Variants in ILKAP observed in about 807,000 individuals in gnomAD.
ILKAP encodes integrin-linked kinase-associated serine/threonine phosphatase 2C.
A neutral mutation model predicts 49.1 loss-of-function variants in ILKAP; 11 were observed. The ratio of observed to expected loss-of-function variants is 0.22; its 90% CI spans 0.14 to 0.37. ILKAP has a LOEUF of 0.37. Ranked by LOEUF, ILKAP falls within the 10% of genes least tolerant of loss-of-function variation. The probability of loss-of-function intolerance (pLI) is 1.00; values close to 1 mark genes in which losing one functional copy is unlikely to be tolerated. For missense variants in ILKAP, 363 were observed against 510.8 expected, an observed-to-expected ratio of 0.71 and a Z score of 2.79; for synonymous variants, 186 against 192.8, an observed-to-expected ratio of 0.96 and a Z score of 0.29.
In ILKAP at chr2:238,184,113, C is replaced by T; in HGVS notation, c.533G>A (p.Gly178Glu). 1 of 1,541,382 alleles carries T rather than the reference C, an allele frequency of 6.5e-7. No homozygotes were observed. Among genetic ancestry groups the T allele is most frequent in the Non-Finnish European group, 9.0e-7 (1 of 1,113,808 alleles). ...HQNLIRKFPK[G>E]DVISVEKTVK... ...GGTTTTCTCTACACTGATTACATCT[C>T]CTATTACAGAAGGGCCAAAAGAAAA... is the stretch of plus-strand genomic sequence containing the variant. The change falls in exon 7 of 12, where the codon GGA becomes GAA. Residue 178 changes from glycine to glutamate, a missense_variant and splice_region_variant. By Grantham distance (98) the Gly-to-Glu change is moderately conservative. Around this residue, in one of 3 missense-constraint regions of ILKAP, gnomAD observed 166 missense variants for 307.3 expected, o/e 0.54. Coordinates refer to ENST00000254654, the MANE Select transcript of ILKAP (RefSeq NM_030768.3).
intron 9 of ILKAP, among the ~76,000 whole-genome samples, chr2:238,181,054 G>C (rs909519741): frequency 6.6e-6 from 1 of 152,180 alleles, no homozygotes; most frequent in Non-Finnish European, 1.5e-5. Flanking sequence ...CAGCGACCGT[G>C]AATGAAACTG....
intron 5 of ILKAP, among the ~76,000 whole-genome samples, chr2:238,187,453 T>TAATATACATTATTA (rs71043113): frequency 6.6e-6 from 1 of 151,894 alleles, no homozygotes; most frequent in South Asian, 2.1e-4. Context: ...GTAACCTATG[T>TAATATACATTATTA]AATATGTACT....
intron 9 of ILKAP, among the ~76,000 whole-genome samples, chr2:238,178,469 G>T (rs1471038667): frequency 6.6e-6 from 1 of 152,224 alleles, no homozygotes; most frequent in African/African-American, 2.4e-5. Context: ...AATTACAGGT[G>T]TGAGCCCTCT....
chr2:238,183,553 C>T, intron 8 of ILKAP, 100 bp downstream of exon 8: 1 of 857,006 alleles, frequency 1.2e-6, no homozygotes, highest in Non-Finnish European at 1.9e-6. Flanking sequence ...AAGGTTTCAA[C>T]CAGACACCAT....
intron 2 of ILKAP, 196 bp downstream of exon 2, chr2:238,194,609 C>T (rs943461152): frequency 3.2e-6 from 2 of 619,106 alleles, no homozygotes; most frequent in South Asian, 4.4e-5. Context: ...CACATTTCCT[C>T]GCAGTACTTC....
chr2:238,177,713 T>G (rs1009183363), intron 9 of ILKAP, among the ~76,000 whole-genome samples: 1 of 152,252 alleles, frequency 6.6e-6, no homozygotes, highest in East Asian at 1.9e-4. Flanking sequence ...TGCTTATCTA[T>G]TCATCTGTCA....
chr2:238,182,306 A>C, intron 8 of ILKAP, 120 bp from the exon 9 acceptor site: 1 of 1,194,172 alleles, frequency 8.4e-7, no homozygotes, highest in Non-Finnish European at 1.2e-6. Flanking sequence ...GGAGTTTCAC[A>C]TTCAGCCTCC....
intron 1 of ILKAP, among the ~76,000 whole-genome samples, chr2:238,199,707 T>C (rs1694490829): frequency 6.6e-6 from 1 of 152,240 alleles, no homozygotes. Flanking sequence ...ATGACTTTTT[T>C]CTTGTTCAAC....
At chr2:238,202,220 AAAAGTAAAAT>A (rs1441716012) in intron 1 of ILKAP, among the ~76,000 whole-genome samples, 1 of 152,172 alleles carries the variant, frequency 6.6e-6, no homozygotes, top group Non-Finnish European at 1.5e-5. Flanking sequence ...CTCCGTCTCA[AAAAGTAAAAT>A]AAAATAAAAT....
chr2:238,183,913 C>T, intron 7 of ILKAP, 107 bp downstream of exon 7: 5 of 973,376 alleles, frequency 5.1e-6, no homozygotes, highest in Non-Finnish European at 8.0e-6. Context: ...GTGCTACGCA[C>T]TTTTCAGACA....
At chr2:238,178,110 C>T (rs1693541751) in intron 9 of ILKAP, among the ~76,000 whole-genome samples, 1 of 152,200 alleles carries the variant, frequency 6.6e-6, no homozygotes, top group South Asian at 2.1e-4. Context: ...CTTTTGCGCA[C>T]AGTGCCAACA....
At chr2:238,199,141 C>T (rs1047283767) in intron 1 of ILKAP, among the ~76,000 whole-genome samples, 2 of 152,162 alleles carry the variant, frequency 1.3e-5, no homozygotes, top group South Asian at 2.1e-4. Flanking sequence ...CCAACACACC[C>T]AAGTCTAATT....
At chr2:238,194,474 TGAA>T in intron 2 of ILKAP, 143 bp from the exon 3 acceptor site, 1 of 682,340 alleles carries the variant, frequency 1.5e-6, no homozygotes, top group Non-Finnish European at 2.6e-6. Context: ...CATACTGCAA[TGAA>T]TAATATCTTG....
chr2:238,170,491 C>A lies in ILKAP; in HGVS notation c.*45G>T. On this transcript the variant is annotated 3_prime_UTR_variant, in exon 12 of 12. Transcript: ENST00000254654. ...ACAATGTGCACACACACAAAATGAA[C>A]CTTTTAAGTCAATACCATGCGTGCT... 5.8e-6 allele frequency: 9 copies of A among 1,549,374 alleles called. No individual in the cohort carries two copies. The highest frequency in any genetic ancestry group is 4.8e-5 in the South Asian group (4 of 83,536).
chr2:238,202,900 AAAAC>A (rs2106343731), intron 1 of ILKAP, among the ~76,000 whole-genome samples: 1 of 152,040 alleles, frequency 6.6e-6, no homozygotes, highest in Non-Finnish European at 1.5e-5. Flanking sequence ...AAAAAAAAAA[AAAAC>A]TACTGTTAAT....
At chr2:238,171,249 T>C (rs1161117120) in intron 10 of ILKAP, among the ~76,000 whole-genome samples, 1 of 150,654 alleles carries the variant, frequency 6.6e-6, no homozygotes, top group Non-Finnish European at 1.5e-5. Flanking sequence ...AACCTCCACC[T>C]TCCCAGTTTA....
chr2:238,203,478 C>T, intron 1 of ILKAP, 21 bp downstream of exon 1: 1 of 1,239,772 alleles, frequency 8.1e-7, no homozygotes, highest in Non-Finnish European at 1.0e-6. Flanking sequence ...CCCTGGCCGG[C>T]CCGGCGGCAA....
chr2:238,192,211 AAAAAAG>A (rs545985634), intron 3 of ILKAP, among the ~76,000 whole-genome samples: 126 of 151,826 alleles, frequency 8.3e-4, no homozygotes, highest in Non-Finnish European at 1.5e-3. Context: ...CTTAAAAAAA[AAAAAAG>A]AAAAAGAAAA....
At chr2:238,174,776 A>G (rs971302634) in intron 9 of ILKAP, among the ~76,000 whole-genome samples, 4 of 152,302 alleles carry the variant, frequency 2.6e-5, no homozygotes, top group African/African-American at 9.6e-5. Context: ...AACAGTGCAC[A>G]GGGGAAGAGC....
Sources: gnomAD v4.1 joint callset for allele counts (sites outside exome capture counted in the v4.1 genomes callset) on GRCh38, gnomAD v4.1.1 for gene constraint, gnomAD v4.1.1 regional missense constraint, MANE v1.5 for transcripts, NCBI Gene and HGNC (gene_info 2026-07-23, HGNC 2026-07-21) for gene names.